The following COA3 variants were observed in gnomAD, a reference collection of about 807,000 sequenced individuals.
COA3 encodes cytochrome c oxidase assembly factor 3.
A neutral mutation model predicts 10.1 loss-of-function variants in COA3; 10 were observed. The observed-to-expected ratio is 0.99, with a 90% CI of 0.61 to 1.67. COA3 has a LOEUF of 1.67. COA3 is among the 40% of genes most tolerant of loss of function. COA3 has a pLI of 0.00. For synonymous variants in COA3, 57 were observed against 63.1 expected (o/e 0.90, Z 0.46); for missense variants, 142 against 140.7 (o/e 1.01, Z -0.05).
Position 42,798,514 on chromosome 17 carries a change from C to A in COA3, c.168G>T (p.Arg56=). ...CGATGCCTAGGCCGGTCACGATGTT[C>A]CGGGTTCGCCGCCGTGGTAGGACCT... ...WQKVLPRRRT[R]NIVTGLGIGA... is the part of the protein sequence containing the mutation. The change falls in exon 1 of 2, where the codon CGG becomes CGT. Residue 56 remains arginine (R), a synonymous_variant. Coordinates refer to ENST00000328434, the MANE Select transcript of COA3 (RefSeq NM_001040431.3). 6.2e-7 allele frequency: 1 copy of A among 1,614,014 alleles called. No individual in the cohort carries two copies. The highest frequency in any genetic ancestry group is 8.5e-7 in the Non-Finnish European group (1 of 1,180,050).
chr17:42,797,965 T>C lies in COA3; in HGVS notation c.*96A>G. The C allele has an allele frequency of 1.2e-6, 1 of 809,764 alleles. No homozygotes were observed. Among genetic ancestry groups the C allele is most frequent in the East Asian group, 2.5e-5 (1 of 39,698 alleles). 50.2% of individuals were successfully genotyped at this position (809,764 alleles called of 1,614,324 possible). A position where few individuals can be genotyped will look rare whatever the true frequency, so the allele number is the denominator to read the frequency against. ...CCAAGGTTAGTAAGAAGGCCAACAA[T>C]GTTGTGAGCAGGATTCAATTTCTAC... On this transcript the variant is annotated 3_prime_UTR_variant, in exon 2 of 2. Transcript: ENST00000328434.
In COA3 at chr17:42,797,958, C is replaced by T. The variant is rs1176592312; in HGVS notation, c.*103G>A. 2.6e-6 allele frequency: 2 copies of T among 769,252 alleles called. No homozygotes were observed. Among genetic ancestry groups the T allele is most frequent in the African/African-American group, 1.7e-5 (1 of 57,698 alleles). 47.7% of individuals were successfully genotyped at this position (769,252 alleles called of 1,614,324 possible). ...TCACGGTCCAAGGTTAGTAAGAAGGCCAACAATGTTGTGAGCAGGATTCAA... is the reference window on the plus strand; with the variant it reads ...TCACGGTCCAAGGTTAGTAAGAAGGTCAACAATGTTGTGAGCAGGATTCAA... On this transcript the variant is annotated 3_prime_UTR_variant, in exon 2 of 2. Transcript: ENST00000328434.
At chr17:42,798,235 C>T (rs1023512918) in intron 1 of COA3, 68 bp from the exon 2 acceptor site, 11 of 1,180,974 alleles carry the variant, frequency 9.3e-6, no homozygotes, top group Middle Eastern at 1.9e-4. Context: ...TGCTCTACCA[C>T]TCTTGTTACT....
chr17:42,798,280 C>T, intron 1 of COA3, 113 bp from the exon 2 acceptor site: 1 of 974,412 alleles, frequency 1.0e-6, no homozygotes, highest in Non-Finnish European at 1.6e-6. Context: ...CCCGCCGCTG[C>T]TGTTTCTAAA....
In COA3 at chr17:42,797,945, G is replaced by A; in HGVS notation, c.*116C>T. On this transcript the variant is annotated 3_prime_UTR_variant, in exon 2 of 2. Transcript: ENST00000328434. ...TTCTTGGGCTCAATCACGGTCCAAG[G>A]TTAGTAAGAAGGCCAACAATGTTGT... 1 of 704,436 alleles carries A rather than the reference G, an allele frequency of 1.4e-6. No homozygotes were observed. The highest frequency in any genetic ancestry group is 2.7e-5 in the Admixed American group (1 of 37,018). 43.6% of individuals were successfully genotyped at this position (704,436 alleles called of 1,614,324 possible). A position where few individuals can be genotyped will look rare whatever the true frequency, so the allele number is the denominator to read the frequency against.
Position 42,798,064 on chromosome 17 carries a change from G to A in COA3, c.318C>T (p.Ser106=). The change falls in exon 2 of 2, where the codon TCC becomes TCT. Residue 106 remains serine, a synonymous_variant. Coordinates refer to ENST00000328434, the MANE Select transcript of COA3 (RefSeq NM_001040431.3). ...ACATGATCAATACCCATCCAGATTA[G>A]GACCCTGACGCCCTTGCCAGAGCTC... ...RARALARASG[S] 6.2e-7 allele frequency: 1 copy of A among 1,613,256 alleles called. No individual in the cohort carries two copies. Among genetic ancestry groups the A allele is most frequent in the Non-Finnish European group, 8.5e-7 (1 of 1,179,224 alleles).
Position 42,798,458 on chromosome 17 carries a change from G to C in COA3, c.214+10C>G. ...TGCGGTCCCCTTGAGTCTACAACACGGACGGATACAAATAGCCAACACCAG... is the reference window on the plus strand; with the variant it reads ...TGCGGTCCCCTTGAGTCTACAACACCGACGGATACAAATAGCCAACACCAG... On this transcript the variant is annotated intron_variant, in intron 1 of 1. Transcript: ENST00000328434. 6.2e-7 allele frequency: 1 copy of C among 1,610,414 alleles called. No homozygotes were observed. Among genetic ancestry groups the C allele is most frequent in the Non-Finnish European group, 8.5e-7 (1 of 1,179,830 alleles).
In COA3 at chr17:42,797,895, T is replaced by A; in HGVS notation, c.*166A>T. The A allele has an allele frequency of 1.7e-6, 1 of 576,204 alleles. No individual in the cohort carries two copies. Among genetic ancestry groups the A allele is most frequent in the Non-Finnish European group, 3.1e-6 (1 of 323,808 alleles). The allele number at this position is 576,204 out of a possible 1,614,324, so 35.7% of individuals were successfully genotyped here. A position where few individuals can be genotyped will look rare whatever the true frequency, so the allele number is the denominator to read the frequency against. On this transcript the variant is annotated 3_prime_UTR_variant, in exon 2 of 2. Transcript: ENST00000328434. Reference sequence around the variant, plus strand: ...TGGGCAAAGTTCTGTTCTTTTGACATTGGCCAAATGCGTAAGTCCCTGGTT... The same window carrying A: ...TGGGCAAAGTTCTGTTCTTTTGACAATGGCCAAATGCGTAAGTCCCTGGTT...
At position 42,798,697 on chromosome 17, in the gene COA3, T is replaced by C; in HGVS notation, c.-16A>G. On this transcript the variant is annotated 5_prime_UTR_variant, in exon 1 of 2. Coordinates refer to ENST00000328434, the MANE Select transcript of COA3 (RefSeq NM_001040431.3). ...AAGACGCCATGTTGCCACTCCTCCC[T>C]TCGCGGTGCCGCCGCGCGGGCCTCG... 1 of 1,606,614 alleles carries C rather than the reference T, an allele frequency of 6.2e-7. No individual in the cohort carries two copies. The highest frequency in any genetic ancestry group is 8.5e-7 in the Non-Finnish European group (1 of 1,175,094).
intron 1 of COA3, 138 bp downstream of exon 1, chr17:42,798,324 CAAATTA>C: frequency 1.0e-6 from 1 of 976,664 alleles, no homozygotes; most frequent in Non-Finnish European, 1.5e-6. Flanking sequence ...ATTAATAAAT[CAAATTA>C]AAAGAGTACC....
rs752078245 is a variant in COA3 at position 42,798,516 on chromosome 17, G to A, written c.166C>T (p.Arg56Trp). The stretch of plus-strand genomic sequence containing the variant: ...ATGCCTAGGCCGGTCACGATGTTCC[G>A]GGTTCGCCGCCGTGGTAGGACCTTC... Reference protein sequence around the residue: ...WQKVLPRRRTRNIVTGLGIGA... With the variant: ...WQKVLPRRRTWNIVTGLGIGA... The change falls in exon 1 of 2, where the codon CGG (arginine) becomes TGG (tryptophan). Residue 56 changes from arginine to tryptophan, a missense_variant. Coordinates refer to ENST00000328434, the MANE Select transcript of COA3 (RefSeq NM_001040431.3). 3.1e-6 allele frequency: 5 copies of A among 1,613,930 alleles called. No individual in the cohort carries two copies. In the South Asian group the frequency reaches 5.5e-5, roughly 18 times the overall value.
intron 1 of COA3, 24 bp downstream of exon 1, chr17:42,798,444 T>G (rs780745655): frequency 5.6e-6 from 9 of 1,607,528 alleles, no homozygotes; most frequent in Non-Finnish European, 6.8e-6. Flanking sequence ...GCGGTCCCCT[T>G]GAGTCTACAA....
rs774579275 is a variant in COA3, at chr17:42,798,692, C to T, written c.-11G>A. 5.6e-6 allele frequency: 9 copies of T among 1,608,010 alleles called. No individual in the cohort carries two copies. Among genetic ancestry groups the T allele is most frequent in the African/African-American group, 1.3e-5 (1 of 74,828 alleles). On this transcript the variant is annotated 5_prime_UTR_variant, in exon 1 of 2. Transcript: ENST00000328434. ...TCCCGAAGACGCCATGTTGCCACTC[C>T]TCCCTTCGCGGTGCCGCCGCGCGGG...
rs1341294818 is a variant in COA3 at position 42,798,533 on chromosome 17, AG to A, written c.148del (p.Leu50TyrfsTer10). On this transcript the variant is annotated frameshift_variant, in exon 1 of 2. Coordinates refer to ENST00000328434, the MANE Select transcript of COA3 (RefSeq NM_001040431.3). LOFTEE classifies it high-confidence loss of function. Reference protein sequence around the residue: ...QAELAQWQKVLPRRRTRNIVT... With the variant: ...QAELAQWQKVXPRRRTRNIVT... Reference sequence around the variant, plus strand: ...GATGTTCCGGGTTCGCCGCCGTGGTAGGACCTTCTGCCACTGGGCAAGCTCC... The same window carrying A: ...GATGTTCCGGGTTCGCCGCCGTGGTAGACCTTCTGCCACTGGGCAAGCTCC... 2 of 1,613,982 alleles carry A rather than the reference AG, an allele frequency of 1.2e-6. No individual in the cohort carries two copies. Among genetic ancestry groups the A allele is most frequent in the Non-Finnish European group, 1.7e-6 (2 of 1,180,026 alleles).
chr17:42,798,059 G>T lies in COA3; in HGVS notation c.*2C>A. ...GTTGGACATGATCAATACCCATCCA[G>T]ATTAGGACCCTGACGCCCTTGCCAG... On this transcript the variant is annotated 3_prime_UTR_variant, in exon 2 of 2. Coordinates refer to ENST00000328434, the MANE Select transcript of COA3 (RefSeq NM_001040431.3). 6.2e-7 allele frequency: 1 copy of T among 1,612,450 alleles called. No homozygotes were observed. The highest frequency in any genetic ancestry group is 1.1e-5 in the South Asian group (1 of 91,000).
In COA3 at chr17:42,797,907, G is replaced by A. The variant is rs142500969; in HGVS notation, c.*154C>T. 5.2e-5 allele frequency: 31 copies of A among 591,382 alleles called. No individual in the cohort carries two copies. The Middle Eastern group carries it at 8.7e-4, about 17-fold the overall frequency. The allele number at this position is 591,382 out of a possible 1,614,324, so 36.6% of individuals were successfully genotyped here. On this transcript the variant is annotated 3_prime_UTR_variant, in exon 2 of 2. Coordinates refer to ENST00000328434, the MANE Select transcript of COA3 (RefSeq NM_001040431.3). ...TGTTCTTTTGACATTGGCCAAATGC[G>A]TAAGTCCCTGGTTTCTTGGGCTCAA...
At chr17:42,798,294 T>C in intron 1 of COA3, 127 bp from the exon 2 acceptor site, 4 of 943,720 alleles carry the variant, frequency 4.2e-6, no homozygotes, top group Middle Eastern at 2.2e-4. Flanking sequence ...TTCTAAACCC[T>C]GAACCCCAAT....
chr17:42,797,719 C>T lies in COA3; in HGVS notation c.*342G>A. Reference sequence around the variant, plus strand: ...CAAACACTGCACAGAGCTGCCACGTCTAACCTCGTAACAACTGCGTCCCTG... The same window carrying T: ...CAAACACTGCACAGAGCTGCCACGTTTAACCTCGTAACAACTGCGTCCCTG... On this transcript the variant is annotated 3_prime_UTR_variant, in exon 2 of 2. Coordinates refer to ENST00000328434, the MANE Select transcript of COA3 (RefSeq NM_001040431.3). The T allele has an allele frequency of 4.4e-6, 1 of 225,666 alleles. No individual in the cohort carries two copies. The highest frequency in any genetic ancestry group is 7.5e-5 in the South Asian group (1 of 13,418). 14.0% of individuals were successfully genotyped at this position (225,666 alleles called of 1,614,324 possible).
At chr17:42,798,258 T>C in intron 1 of COA3, 91 bp from the exon 2 acceptor site, 1 of 1,031,964 alleles carries the variant, frequency 9.7e-7, no homozygotes, top group South Asian at 1.4e-5. Context: ...CCCAAATCAG[T>C]GATTCCGGCT....
Sources: gnomAD v4.1 joint callset for allele counts on GRCh38, gnomAD v4.1.1 for gene constraint, MANE v1.5 for transcripts, NCBI Gene and HGNC (gene_info 2026-07-23, HGNC 2026-07-21) for gene names.